CCNYL1: variants seen among roughly 807,000 people sequenced by gnomAD.
The protein encoded by CCNYL1 is cyclin-Y-like protein 1.
CCNYL1 carries 16 observed loss-of-function variants against 44.2 expected under a neutral mutation model. The ratio of observed to expected loss-of-function variants is 0.36; its 90% CI spans 0.25 to 0.55. CCNYL1 has a LOEUF of 0.55. Among genes scored for constraint, CCNYL1 ranks in the 20% least tolerant of loss-of-function variants. The pLI is 0.85. For missense variants in CCNYL1, 348 were observed against 451.8 expected (o/e 0.77, Z 2.08); for synonymous variants, 159 against 163.2 (o/e 0.97, Z 0.20).
chr2:207,730,362 C>T (rs1282544826), intron 3 of CCNYL1, among the ~76,000 whole-genome samples: 1 of 152,204 alleles, frequency 6.6e-6, no homozygotes, highest in Admixed American at 6.5e-5. Flanking sequence ...GTAAGACAAA[C>T]TAACTTGATC....
chr2:207,728,524 C>T (rs2091697924), intron 3 of CCNYL1, among the ~76,000 whole-genome samples: 1 of 152,222 alleles, frequency 6.6e-6, no homozygotes, highest in Non-Finnish European at 1.5e-5. Context: ...CATCCACCTG[C>T]ATCAGCCTTT....
chr2:207,731,874 A>G (rs1380479280), intron 3 of CCNYL1, among the ~76,000 whole-genome samples: 2 of 143,724 alleles, frequency 1.4e-5, no homozygotes, highest in African/African-American at 5.2e-5. Context: ...CAGTGGTGCA[A>G]TCTTGGCTCA....
chr2:207,729,753 T>C (rs2105826891), intron 3 of CCNYL1, among the ~76,000 whole-genome samples: 1 of 152,212 alleles, frequency 6.6e-6, no homozygotes. Flanking sequence ...TCATCCATAC[T>C]GGAGTGCAGT....
chr2:207,726,863 A>G lies in CCNYL1; in HGVS notation c.317A>G (p.Asn106Ser). 1 of 1,559,094 alleles carries G rather than the reference A, an allele frequency of 6.4e-7. No homozygotes were observed. Among genetic ancestry groups the G allele is most frequent in the Middle Eastern group, 1.7e-4 (1 of 5,846 alleles). The change falls in exon 3 of 10, where the codon AAC (asparagine) becomes AGC (serine). Residue 106 changes from asparagine (N) to serine (S), a missense_variant. Physicochemically the swap from Asn to Ser is conservative, Grantham distance 46. Coordinates refer to ENST00000295414, the MANE Select transcript of CCNYL1 (RefSeq NM_001330218.2). The stretch of plus-strand genomic sequence containing the variant: ...TTAGTGCGAGAAAAGAGGAAGAGCA[A>G]CCATTTGAACCATGTAAGTAAACAG... The part of the protein sequence containing the change: ...QTDVREKRKS[N>S]HLNHVSPGQL...
At chr2:207,712,178 G>A in intron 1 of CCNYL1, 62 bp downstream of exon 1, 1 of 1,451,892 alleles carries the variant, frequency 6.9e-7, no homozygotes. Flanking sequence ...CTCCCCCAGA[G>A]TCCCCCGGGA....
chr2:207,740,133 T>C (rs1256834028), intron 5 of CCNYL1, among the ~76,000 whole-genome samples: 1 of 152,158 alleles, frequency 6.6e-6, no homozygotes, highest in East Asian at 1.9e-4. Flanking sequence ...TTTTATAAAC[T>C]TGTAAAGATT....
At chr2:207,722,592 T>C (rs2091649293) in intron 1 of CCNYL1, among the ~76,000 whole-genome samples, 1 of 152,100 alleles carries the variant, frequency 6.6e-6, no homozygotes, top group Non-Finnish European at 1.5e-5. Flanking sequence ...CTGTAAACAT[T>C]AGTTATTTTT....
chr2:207,726,260 T>C (rs2091679536), intron 2 of CCNYL1, among the ~76,000 whole-genome samples: 1 of 152,216 alleles, frequency 6.6e-6, no homozygotes, highest in African/African-American at 2.4e-5. Flanking sequence ...GTGCTGAATA[T>C]ACCATGTTCA....
At chr2:207,740,352 G>A (rs2091798892) in intron 5 of CCNYL1, among the ~76,000 whole-genome samples, 1 of 152,170 alleles carries the variant, frequency 6.6e-6, no homozygotes, top group African/African-American at 2.4e-5. Flanking sequence ...CCAATGAGGG[G>A]TTAGAAGAGT....
At chr2:207,747,319 A>G (rs1441594546) in intron 8 of CCNYL1, 106 bp downstream of exon 8, 12 of 930,118 alleles carry the variant, frequency 1.3e-5, no homozygotes, top group Non-Finnish European at 1.9e-5. Flanking sequence ...TATGCAGATA[A>G]TGGAAATAGG....
intron 3 of CCNYL1, among the ~76,000 whole-genome samples, chr2:207,727,283 A>G (rs557662132): frequency 1.3e-5 from 2 of 151,988 alleles, no homozygotes; most frequent in Non-Finnish European, 2.9e-5. Flanking sequence ...TCTTCCCTCT[A>G]TTTCTCCCAT....
At chr2:207,738,377 C>G (rs527380789) in intron 5 of CCNYL1, among the ~76,000 whole-genome samples, 4 of 151,984 alleles carry the variant, frequency 2.6e-5, no homozygotes, top group Admixed American at 6.6e-5. Context: ...CATGCCACCA[C>G]GCCTGGCTAA....
At chr2:207,728,799 C>CT in intron 3 of CCNYL1, among the ~76,000 whole-genome samples, 2 of 151,956 alleles carry the variant, frequency 1.3e-5, no homozygotes, top group East Asian at 3.9e-4. Context: ...TGGACCTTTT[C>CT]TTTTTTCCTT....
chr2:207,741,071 C>T (rs1029035069), intron 6 of CCNYL1, among the ~76,000 whole-genome samples: 2 of 151,154 alleles, frequency 1.3e-5, no homozygotes, highest in Non-Finnish European at 1.5e-5. Flanking sequence ...CTGGCTAACA[C>T]AGTGAAACCC....
intron 3 of CCNYL1, among the ~76,000 whole-genome samples, chr2:207,728,943 C>G (rs371049253): frequency 6.6e-6 from 1 of 151,980 alleles, no homozygotes; most frequent in Non-Finnish European, 1.5e-5. Context: ...ACTACAGGGG[C>G]GTGCCACCAA....
At chr2:207,739,449 C>G (rs1041973773) in intron 5 of CCNYL1, among the ~76,000 whole-genome samples, 4 of 151,948 alleles carry the variant, frequency 2.6e-5, no homozygotes, top group Non-Finnish European at 4.4e-5. Flanking sequence ...AGGCTGGTCT[C>G]GAACTCCTGA....
intron 5 of CCNYL1, 94 bp from the exon 6 acceptor site, chr2:207,740,561 A>G (rs2091800964): frequency 2.5e-6 from 2 of 801,316 alleles, no homozygotes; most frequent in East Asian, 5.0e-5. Flanking sequence ...ACCAAAGCAA[A>G]CAGGAGGCAT....
At chr2:207,752,981 A>G (rs9973925) in intron 9 of CCNYL1, among the ~76,000 whole-genome samples, 23,457 of 151,758 alleles carry the variant, frequency 0.15, 3,013 homozygotes, top group East Asian at 0.38. Context: ...AGAGGTTGCA[A>G]TGAGCTGAGA....
chr2:207,738,242 G>A (rs1387901820), intron 5 of CCNYL1, among the ~76,000 whole-genome samples: 1 of 151,134 alleles, frequency 6.6e-6, no homozygotes, highest in Non-Finnish European at 1.5e-5. Context: ...TTTTTTTTGA[G>A]ACGGAGTCTT....
Sources: gnomAD v4.1 joint callset for allele counts (sites outside exome capture counted in the v4.1 genomes callset) on GRCh38, gnomAD v4.1.1 for gene constraint, MANE v1.5 for transcripts, NCBI Gene and HGNC (gene_info 2026-07-23, HGNC 2026-07-21) for gene names.